The following SCAF11 variants were observed in gnomAD, a reference collection of about 807,000 sequenced individuals.
The protein encoded by SCAF11 is SR-related CTD associated factor 11.
Under a neutral mutation model 140.5 loss-of-function variants are expected in SCAF11, and 47 were observed. The observed-to-expected ratio is 0.33, with a 90% CI of 0.26 to 0.43. SCAF11 has a LOEUF of 0.43. SCAF11 is among the 20% of genes least tolerant of loss of function. SCAF11 has a pLI of 1.00. For missense variants in SCAF11, 1,645 were observed against 1,705.1 expected (o/e 0.96, Z 0.62); for synonymous variants, 557 against 579.4 (o/e 0.96, Z 0.55).
Position 45,964,097 on chromosome 12 carries a change from GA to G in SCAF11, c.61+9del. The G allele has an allele frequency of 7.1e-7, 1 of 1,406,120 alleles. No individual in the cohort carries two copies. Among genetic ancestry groups the G allele is most frequent in the Non-Finnish European group, 1.0e-6 (1 of 1,002,458 alleles). The allele number at this position is 1,406,120 out of a possible 1,614,324, so 87.1% of individuals were successfully genotyped here. A position where few individuals can be genotyped will look rare whatever the true frequency, so the allele number is the denominator to read the frequency against. On this transcript the variant is annotated intron_variant, in intron 2 of 14. Transcript: ENST00000369367. ...TTCAACAAACAAACTTTATAAAAAT[GA>G]AAAGTTACCTTCCATGTCTTCATAC... is the stretch of plus-strand genomic sequence containing the variant.
At chr12:45,947,611 A>G (rs1389293134) in intron 5 of SCAF11, among the ~76,000 whole-genome samples, 1 of 152,216 alleles carries the variant, frequency 6.6e-6, no homozygotes, top group African/African-American at 2.4e-5. Context: ...TATGAGCACC[A>G]ATGCTTATCT....
intron 1 of SCAF11, among the ~76,000 whole-genome samples, chr12:45,978,067 GAA>G (rs1193050734): frequency 6.6e-6 from 1 of 152,102 alleles, no homozygotes; most frequent in Non-Finnish European, 1.5e-5. Flanking sequence ...CTTTATTTAA[GAA>G]AATACAAATG....
intron 6 of SCAF11, among the ~76,000 whole-genome samples, chr12:45,935,683 C>T (rs565115948): frequency 6.6e-6 from 1 of 152,282 alleles, no homozygotes; most frequent in East Asian, 1.9e-4. Context: ...CATTTGGAAA[C>T]CTATCTCAGA....
At chr12:45,942,695 T>G (rs1945333378) in intron 6 of SCAF11, among the ~76,000 whole-genome samples, 1 of 152,220 alleles carries the variant, frequency 6.6e-6, no homozygotes, top group African/African-American at 2.4e-5. Flanking sequence ...GCTTAACTTC[T>G]TACTTCTTGA....
intron 1 of SCAF11, among the ~76,000 whole-genome samples, 182 bp downstream of exon 1, chr12:45,990,171 C>G (rs1429107253): frequency 6.6e-6 from 1 of 152,116 alleles, no homozygotes; most frequent in African/African-American, 2.4e-5. Context: ...TCCCCCACTT[C>G]GAGAGGTAGC....
At chr12:45,942,903 G>A (rs901061960) in intron 6 of SCAF11, among the ~76,000 whole-genome samples, 2 of 152,000 alleles carry the variant, frequency 1.3e-5, no homozygotes, top group Admixed American at 6.6e-5. Context: ...TGTTGTTTTT[G>A]TTCACTACTA....
At chr12:45,941,894 C>G (rs1270925058) in intron 6 of SCAF11, among the ~76,000 whole-genome samples, 2 of 152,194 alleles carry the variant, frequency 1.3e-5, no homozygotes, top group Middle Eastern at 3.2e-3. Flanking sequence ...CCTGCCTCCC[C>G]TTCCACCTTT....
intron 6 of SCAF11, among the ~76,000 whole-genome samples, chr12:45,935,256 A>T (rs1220285863): frequency 2.6e-5 from 4 of 152,192 alleles, no homozygotes; most frequent in Non-Finnish European, 5.9e-5. Flanking sequence ...CTGTTAGTTC[A>T]GTTGGTAATA....
intron 6 of SCAF11, among the ~76,000 whole-genome samples, chr12:45,934,764 T>C (rs1267577381): frequency 1.3e-5 from 2 of 152,216 alleles, no homozygotes; most frequent in South Asian, 2.1e-4. Flanking sequence ...GTTTACAACA[T>C]ATGAGTTAAA....
intron 12 of SCAF11, among the ~76,000 whole-genome samples, 166 bp from the exon 13 acceptor site, chr12:45,923,320 T>C (rs1032901072): frequency 1.3e-5 from 2 of 151,972 alleles, no homozygotes; most frequent in Admixed American, 6.6e-5. Context: ...TAAAGAAAAA[T>C]GAGTAACATT....
intron 1 of SCAF11, among the ~76,000 whole-genome samples, chr12:45,984,907 C>CT (rs1946427425): frequency 6.6e-6 from 1 of 152,166 alleles, no homozygotes; most frequent in African/African-American, 2.4e-5. Flanking sequence ...ATTGGCCAGG[C>CT]TGGCCTTGAA....
intron 1 of SCAF11, among the ~76,000 whole-genome samples, chr12:45,983,267 T>C (rs1946385737): frequency 6.6e-6 from 1 of 152,070 alleles, no homozygotes; most frequent in Non-Finnish European, 1.5e-5. Context: ...GAGAAACTAG[T>C]TAGGAGAAAA....
At chr12:45,981,210 C>A (rs752868652) in intron 1 of SCAF11, among the ~76,000 whole-genome samples, 5 of 152,138 alleles carry the variant, frequency 3.3e-5, no homozygotes, top group Non-Finnish European at 7.4e-5. Context: ...CTGCTATGTT[C>A]ACCATGACTA....
At chr12:45,978,916 AAGACACTTG>A (rs1946293260) in intron 1 of SCAF11, among the ~76,000 whole-genome samples, 1 of 151,452 alleles carries the variant, frequency 6.6e-6, no homozygotes, top group Non-Finnish European at 1.5e-5. Context: ...AAACAAACAA[AAGACACTTG>A]AGACAGTTAA....
At chr12:45,966,283 T>C (rs887265695) in intron 1 of SCAF11, among the ~76,000 whole-genome samples, 2 of 151,280 alleles carry the variant, frequency 1.3e-5, no homozygotes, top group African/African-American at 4.9e-5. Flanking sequence ...TGAAGGGAGG[T>C]AGAATAATCT....
chr12:45,985,807 A>G (rs1422723714), intron 1 of SCAF11, among the ~76,000 whole-genome samples: 1 of 152,204 alleles, frequency 6.6e-6, no homozygotes, highest in Non-Finnish European at 1.5e-5. Flanking sequence ...CAATCTGAAA[A>G]TAAGAACCTT....
chr12:45,923,555 G>A (rs2136493550), intron 12 of SCAF11, among the ~76,000 whole-genome samples: 1 of 152,130 alleles, frequency 6.6e-6, no homozygotes, highest in Middle Eastern at 3.4e-3. Context: ...TAAGTTGACA[G>A]GAGAAAAAAG....
chr12:45,951,660 C>A lies in SCAF11; in HGVS notation c.287G>T (p.Gly96Val). The change falls in exon 4 of 15, where the codon GGT becomes GTT. Residue 96 changes from glycine (G) to valine (V), a missense_variant. Physicochemically the swap from Gly to Val is moderately radical, Grantham distance 109 (BLOSUM62 -3). Transcript: ENST00000369367. ...AATAAAAAGACTTACCTTAACATAA[C>A]CTTCCAATGCACTGAATTTAAACAC... ...QAVFKFSALE[G>V]YVKVQVKKQL... 6.3e-7 allele frequency: 1 copy of A among 1,581,036 alleles called. No homozygotes were observed. The highest frequency in any genetic ancestry group is 8.6e-7 in the Non-Finnish European group (1 of 1,159,722).
In SCAF11 at chr12:45,920,236, A is replaced by G. The variant is rs1944675231; in HGVS notation, c.*1812T>C. On this transcript the variant is annotated 3_prime_UTR_variant, in exon 15 of 15. Transcript: ENST00000369367. ...ACAACAAAGCTTATGAACTAGCACA[A>G]TCATTATGGGACCAACATTTCAAAA... The G allele has an allele frequency of 6.6e-6, 1 of 152,212 alleles. No homozygotes were observed. The highest frequency in any genetic ancestry group is 1.5e-5 in the Non-Finnish European group (1 of 68,024). 9.4% of individuals were successfully genotyped at this position (152,212 alleles called of 1,614,324 possible).
Sources: allele counts gnomAD v4.1 joint callset (sites outside exome capture counted in the v4.1 genomes callset), GRCh38; gene constraint gnomAD v4.1.1; transcripts MANE v1.5; gene names NCBI Gene and HGNC (gene_info 2026-07-23, HGNC 2026-07-21).